The following IGF2BP3 variants were observed in gnomAD, a reference collection of about 807,000 sequenced individuals.
The protein encoded by IGF2BP3 is insulin-like growth factor 2 mRNA-binding protein 3.
In IGF2BP3, 9 loss-of-function variants were observed where a neutral mutation model predicts 73.8. The observed-to-expected ratio is 0.12, with a 90% confidence interval of 0.07 to 0.21. The LOEUF (loss-of-function observed/expected upper bound fraction) is 0.21. IGF2BP3 is among the 10% of genes least tolerant of loss of function. The pLI is 1.00. For missense variants in IGF2BP3, 542 were observed against 714.0 expected (o/e 0.76, Z 2.75); for synonymous variants, 258 against 256.7 (o/e 1.01, Z -0.05).
intron 6 of IGF2BP3, 78 bp downstream of exon 6, chr7:23,351,227 A>C: frequency 1.3e-6 from 2 of 1,527,556 alleles, no homozygotes; most frequent in Admixed American, 1.8e-5. Context: ...AAGGGCACCA[A>C]GTACCAGAAC....
At chr7:23,448,315 G>A (rs183601389) in intron 2 of IGF2BP3, among the ~76,000 whole-genome samples, 117 of 152,336 alleles carry the variant, frequency 7.7e-4, no homozygotes, top group Non-Finnish European at 1.3e-3. Context: ...GAACTTAAGT[G>A]TATCGATAGA....
chr7:23,400,166 A>C (rs1330969169), intron 3 of IGF2BP3, among the ~76,000 whole-genome samples: 1 of 152,210 alleles, frequency 6.6e-6, no homozygotes, highest in Non-Finnish European at 1.5e-5. Flanking sequence ...TCATGCATTA[A>C]AACAATGTGA....
chr7:23,422,680 T>C (rs1787384930), intron 2 of IGF2BP3, among the ~76,000 whole-genome samples: 1 of 152,244 alleles, frequency 6.6e-6, no homozygotes, highest in African/African-American at 2.4e-5. Context: ...CATTTAATTA[T>C]TGGAAGTTTG....
chr7:23,433,824 C>T (rs559233589), intron 2 of IGF2BP3, among the ~76,000 whole-genome samples: 1 of 152,172 alleles, frequency 6.6e-6, no homozygotes, highest in Non-Finnish European at 1.5e-5. Context: ...CCTATAAACC[C>T]AGCACTTTGG....
intron 2 of IGF2BP3, among the ~76,000 whole-genome samples, chr7:23,439,391 A>G (rs1787877564): frequency 6.6e-6 from 1 of 150,992 alleles, no homozygotes; most frequent in Non-Finnish European, 1.5e-5. Flanking sequence ...CACCTACTAA[A>G]AATACAAAAA....
chr7:23,333,195 A>C (rs1181499362), intron 10 of IGF2BP3, among the ~76,000 whole-genome samples: 1 of 152,360 alleles, frequency 6.6e-6, no homozygotes, highest in East Asian at 1.9e-4. Flanking sequence ...GCTGTTATAC[A>C]AATCTGGCTT....
At chr7:23,424,621 G>A (rs1246668490) in intron 2 of IGF2BP3, among the ~76,000 whole-genome samples, 3 of 151,902 alleles carry the variant, frequency 2.0e-5, no homozygotes, top group South Asian at 2.1e-4. Context: ...TGATAGGCCC[G>A]GCAGGGTAGC....
At chr7:23,414,216 C>A (rs944806971) in intron 3 of IGF2BP3, 1 of 152,060 alleles carries the variant, frequency 6.6e-6, no homozygotes, top group Non-Finnish European at 1.5e-5. Flanking sequence ...GAATCCAGTG[C>A]CCACCCATAA....
intron 3 of IGF2BP3, among the ~76,000 whole-genome samples, chr7:23,385,703 C>T (rs1371699414): frequency 2.6e-5 from 4 of 151,950 alleles, no homozygotes; most frequent in African/African-American, 9.7e-5. Flanking sequence ...ATTTGGATTC[C>T]CCCTACCGCC....
In IGF2BP3 at chr7:23,312,214, G is replaced by T. The variant is rs987846779; in HGVS notation, c.*148C>A. On this transcript the variant is annotated 3_prime_UTR_variant, in exon 15 of 15. Coordinates refer to ENST00000258729, the MANE Select transcript of IGF2BP3 (RefSeq NM_006547.3). ...AGTATACATTCTCACAGAGACAGGAGTTCAAAAGTTGCCTGGTCCTCAGAA... is the reference window on the plus strand; with the variant it reads ...AGTATACATTCTCACAGAGACAGGATTTCAAAAGTTGCCTGGTCCTCAGAA... 3.1e-6 allele frequency: 2 copies of T among 648,444 alleles called. No individual in the cohort carries two copies. The highest frequency in any genetic ancestry group is 5.6e-6 in the Non-Finnish European group (2 of 358,444). 40.2% of individuals were successfully genotyped at this position (648,444 alleles called of 1,614,324 possible). A position where few individuals can be genotyped will look rare whatever the true frequency, so the allele number is the denominator to read the frequency against.
chr7:23,408,572 G>C (rs192836025), intron 3 of IGF2BP3, among the ~76,000 whole-genome samples: 1 of 152,182 alleles, frequency 6.6e-6, no homozygotes, highest in African/African-American at 2.4e-5. Flanking sequence ...AAACAGTACA[G>C]CTGCTATGGA....
intron 5 of IGF2BP3, among the ~76,000 whole-genome samples, chr7:23,353,381 C>T (rs1443482080): frequency 1.3e-5 from 2 of 152,158 alleles, no homozygotes; most frequent in Non-Finnish European, 2.9e-5. Context: ...CGCTGACATT[C>T]TCCGGCCCAG....
chr7:23,456,676 A>G (rs1452666870), intron 2 of IGF2BP3, among the ~76,000 whole-genome samples: 1 of 152,182 alleles, frequency 6.6e-6, no homozygotes, highest in African/African-American at 2.4e-5. Flanking sequence ...GACAGTTCTT[A>G]CTCAAACGGT....
chr7:23,360,899 C>T (rs1182653986), intron 5 of IGF2BP3, among the ~76,000 whole-genome samples: 1 of 152,156 alleles, frequency 6.6e-6, no homozygotes, highest in Non-Finnish European at 1.5e-5. Context: ...CTGTTAAAGG[C>T]CATATTTGTG....
In IGF2BP3 at chr7:23,445,930, A is replaced by G. The variant is rs1465836752; in HGVS notation, c.236+22552T>C. ...TTAGATTTATTACATTTAGGTAGAT[A>G]AGTCTGTAGTAAGTATAAAGCTGCT... On this transcript the variant is annotated intron_variant, in intron 2 of 14. Coordinates refer to ENST00000258729, the MANE Select transcript of IGF2BP3 (RefSeq NM_006547.3). 2.0e-5 allele frequency among the ~76,000 whole-genome samples: 3 copies of G among 152,228 alleles called. No individual in the cohort carries two copies. The East Asian group carries it at 5.8e-4, about 29-fold the overall frequency.
intron 3 of IGF2BP3, among the ~76,000 whole-genome samples, chr7:23,392,619 C>T (rs562835426): frequency 6.6e-6 from 1 of 151,928 alleles, no homozygotes; most frequent in East Asian, 1.9e-4. Flanking sequence ...ACAGTGAACA[C>T]AAACACTTTT....
chr7:23,457,743 G>C (rs982143324), intron 2 of IGF2BP3, among the ~76,000 whole-genome samples: 5 of 152,274 alleles, frequency 3.3e-5, no homozygotes, highest in African/African-American at 9.6e-5. Flanking sequence ...AATATATTCA[G>C]CAACGAGTGT....
intron 2 of IGF2BP3, among the ~76,000 whole-genome samples, chr7:23,428,145 C>A (rs1333062534): frequency 3.9e-5 from 6 of 152,008 alleles, no homozygotes; most frequent in African/African-American, 1.4e-4. Flanking sequence ...CACTGCACTC[C>A]CGCCTTAAGA....
intron 3 of IGF2BP3, chr7:23,366,039 T>C (rs1785361836): frequency 6.6e-6 from 1 of 152,164 alleles, no homozygotes; most frequent in Non-Finnish European, 1.5e-5. Context: ...GAAATATACA[T>C]TAAAATTTTC....
Sources: allele counts gnomAD v4.1 joint callset (sites outside exome capture counted in the v4.1 genomes callset), GRCh38; gene constraint gnomAD v4.1.1; transcripts MANE v1.5; gene names NCBI Gene and HGNC (gene_info 2026-07-23, HGNC 2026-07-21).